Variants in ROBO2 observed in about 807,000 individuals in gnomAD.
ROBO2 encodes the protein roundabout guidance receptor 2.
A neutral mutation model predicts 160.8 loss-of-function variants in ROBO2; 53 were observed. The ratio of observed to expected loss-of-function variants is 0.33; its 90% CI spans 0.26 to 0.41. The LOEUF (loss-of-function observed/expected upper bound fraction) is 0.41. Ranked by LOEUF, ROBO2 falls within the 10% of genes least tolerant of loss-of-function variation. The pLI is 1.00. For synonymous variants in ROBO2, 664 were observed against 611.7 expected (o/e 1.09, Z -1.26); for missense variants, 1,577 against 1,722.4 (o/e 0.92, Z 1.49).
intron 2 of ROBO2, among the ~76,000 whole-genome samples, chr3:76,867,645 A>G (rs772939250): frequency 7.2e-5 from 11 of 152,224 alleles, no homozygotes; most frequent in Non-Finnish European, 1.0e-4. Flanking sequence ...ATGCATTTGC[A>G]GTTTCATTCT....
chr3:77,478,081 C>T (rs2084254563), intron 3 of ROBO2, among the ~76,000 whole-genome samples: 1 of 151,876 alleles, frequency 6.6e-6, no homozygotes. Flanking sequence ...CACCTCAGCC[C>T]CCCAAAGTGC....
intron 2 of ROBO2, among the ~76,000 whole-genome samples, chr3:77,386,752 A>C (rs949653381): frequency 6.6e-6 from 1 of 151,422 alleles, no homozygotes; most frequent in African/African-American, 2.4e-5. Flanking sequence ...ACAGGCGCCC[A>C]CCACCACACT....
At chr3:77,317,655 G>C in intron 2 of ROBO2, 1 of 204,710 alleles carries the variant, frequency 4.9e-6, no homozygotes, top group Non-Finnish European at 9.1e-6. Context: ...GCTGGTTGCT[G>C]CTGGGGGGCT....
In ROBO2 at chr3:76,471,566, C is replaced by T. The variant is rs964346186; in HGVS notation, c.109+533964C>T. Among the ~76,000 whole-genome samples, 10 of 152,124 alleles carry T rather than the reference C, an allele frequency of 6.6e-5. No homozygotes were observed. The East Asian group carries it at 1.9e-3, about 29-fold the overall frequency. On this transcript the variant is annotated intron_variant, in intron 2 of 26. Transcript: ENST00000487694. ...TTGTGAAACTGCATGTCATTACATG[C>T]AAAATGGAAGTTTTGCATAATTTTC...
chr3:76,701,869 G>A (rs1198438576), intron 2 of ROBO2, among the ~76,000 whole-genome samples: 1 of 149,808 alleles, frequency 6.7e-6, no homozygotes, highest in East Asian at 2.0e-4. Flanking sequence ...AAAAACAAAG[G>A]TCACTTTTAT....
At chr3:76,655,455 T>TATATATATATATATATATATATA (rs2091468454) in intron 2 of ROBO2, among the ~76,000 whole-genome samples, 1 of 130,962 alleles carries the variant, frequency 7.6e-6, no homozygotes, top group African/African-American at 2.7e-5. Flanking sequence ...TATATATATA[T>TATATATATATATATATATATATA]GGATTTTTTT....
rs182256391 is a variant in ROBO2 at position 77,214,800 on chromosome 3, G to T, written c.388+116460G>T. Among the ~76,000 whole-genome samples the T allele has an allele frequency of 1.7e-3, 258 of 152,200 alleles. 2 individuals carry two copies. The highest frequency in any genetic ancestry group is 6.1e-3 in the African/African-American group (252 of 41,516). Reference sequence around the variant, plus strand: ...GTGGTGACAAAATCTCTCAGCATTTGCTCGTCTGTAAAGTATTTTATTCCT... The same window carrying T: ...GTGGTGACAAAATCTCTCAGCATTTTCTCGTCTGTAAAGTATTTTATTCCT... On this transcript the variant is annotated intron_variant, in intron 2 of 25. Transcript: ENST00000461745.
intron 2 of ROBO2, among the ~76,000 whole-genome samples, chr3:75,954,928 G>A (rs2107220660): frequency 6.6e-6 from 1 of 151,894 alleles, no homozygotes; most frequent in Admixed American, 6.6e-5. Context: ...ATTGATCCCA[G>A]ATCCACATTC....
chr3:76,912,690 T>G (rs1056694519), intron 2 of ROBO2, among the ~76,000 whole-genome samples: 1 of 152,180 alleles, frequency 6.6e-6, no homozygotes, highest in Non-Finnish European at 1.5e-5. Context: ...AGAAACAATT[T>G]CATAATTGTT....
chr3:76,834,952 T>A (rs537012393), intron 2 of ROBO2, among the ~76,000 whole-genome samples: 6 of 152,222 alleles, frequency 3.9e-5, no homozygotes, highest in African/African-American at 1.4e-4. Flanking sequence ...ACTTTGAACA[T>A]CTGTTAGAAA....
At chr3:76,653,114 A>G (rs2091327833) in intron 2 of ROBO2, among the ~76,000 whole-genome samples, 1 of 151,982 alleles carries the variant, frequency 6.6e-6, no homozygotes, top group African/African-American at 2.4e-5. Flanking sequence ...AATTACACCA[A>G]ACTTACTAAC....
At chr3:76,015,939 A>G (rs1169990869) in intron 2 of ROBO2, among the ~76,000 whole-genome samples, 1 of 152,188 alleles carries the variant, frequency 6.6e-6, no homozygotes, top group Non-Finnish European at 1.5e-5. Context: ...ATTTTTGCAC[A>G]CATAGTCTTA....
chr3:76,200,320 G>T (rs1174422441), intron 2 of ROBO2, among the ~76,000 whole-genome samples: 1 of 152,082 alleles, frequency 6.6e-6, no homozygotes, highest in Non-Finnish European at 1.5e-5. Flanking sequence ...TCCTTCTTCT[G>T]GTGTGGGAAA....
In ROBO2 at chr3:76,851,764, A is replaced by AAAAATATATATAT. The variant is rs1553659595; in HGVS notation, c.110-246249_110-246248insAAATATATATATA. Among the ~76,000 whole-genome samples, 18 of 137,062 alleles carry AAAAATATATATAT rather than the reference A, an allele frequency of 1.3e-4. 1 individual carries two copies. Among genetic ancestry groups the AAAAATATATATAT allele is most frequent in the African/African-American group, 5.2e-4 (18 of 34,460 alleles). The allele number at this position is 137,062 out of a possible 152,430, so 89.9% of individuals were successfully genotyped here. The stretch of plus-strand genomic sequence containing the variant: ...CTCAAAAAAAAAAAAAAAAAAAAAA[A>AAAAATATATATAT]ATATTAACATGTGCTTGAATATAGT... On this transcript the variant is annotated intron_variant, in intron 2 of 26. Coordinates refer to the ROBO2 transcript ENST00000487694.
rs3066796 is a variant in ROBO2, at chr3:76,680,358, TA to T, written c.110-417640del. 5.4e-3 allele frequency among the ~76,000 whole-genome samples: 782 copies of T among 143,608 alleles called. 6 individuals are homozygous for T. Among genetic ancestry groups the T allele is most frequent in the African/African-American group, 0.011 (422 of 39,696 alleles). The allele number at this position is 143,608 out of a possible 152,430, so 94.2% of individuals were successfully genotyped here. A position where few individuals can be genotyped will look rare whatever the true frequency, so the allele number is the denominator to read the frequency against. On this transcript the variant is annotated intron_variant, in intron 2 of 26. Transcript: ENST00000487694. ...TATATACTTCCTGACATGGATATAT[TA>T]AAAAAAAAAAAAAAACGGCGAACAA...
At chr3:76,694,987 C>T (rs1280634259) in intron 2 of ROBO2, among the ~76,000 whole-genome samples, 3 of 151,962 alleles carry the variant, frequency 2.0e-5, no homozygotes, top group African/African-American at 7.3e-5. Context: ...GCTTCTAATC[C>T]CAGCTGCTCA....
At chr3:77,125,754 AGTT>A (rs1353342643) in intron 2 of ROBO2, among the ~76,000 whole-genome samples, 10 of 152,324 alleles carry the variant, frequency 6.6e-5, no homozygotes, top group African/African-American at 2.4e-4. Context: ...TATATAATAA[AGTT>A]GTTGTATATA....
intron 2 of ROBO2, among the ~76,000 whole-genome samples, chr3:76,887,975 C>T (rs1358468207): frequency 6.6e-6 from 1 of 152,142 alleles, no homozygotes; most frequent in Non-Finnish European, 1.5e-5. Context: ...ATTTTAGGGA[C>T]TTCAAAATAT....
chr3:77,167,896 G>T (rs531425189), intron 2 of ROBO2, among the ~76,000 whole-genome samples: 1 of 151,782 alleles, frequency 6.6e-6, no homozygotes, highest in African/African-American at 2.4e-5. Context: ...TTTCTCTGCC[G>T]CATTAACTTT....
Sources: allele counts gnomAD v4.1 joint callset (sites outside exome capture counted in the v4.1 genomes callset), GRCh38; gene constraint gnomAD v4.1.1; transcripts MANE v1.5; gene names NCBI Gene and HGNC (gene_info 2026-07-23, HGNC 2026-07-21).